Variants in NUCB2 observed in about 807,000 individuals in gnomAD.
NUCB2 encodes the protein nucleobindin-2.
In NUCB2, 48 loss-of-function variants were observed where a neutral mutation model predicts 57.9. The observed-to-expected ratio is 0.83, with a 90% CI of 0.66 to 1.05. The LOEUF is 1.05. Among genes scored for constraint, NUCB2 ranks in the 50% least tolerant of loss-of-function variants. The pLI, the probability that NUCB2 is intolerant of heterozygous loss-of-function variation, is 0.00. For synonymous variants in NUCB2, 139 were observed against 152.1 expected (o/e 0.91, Z 0.64); for missense variants, 442 against 476.2 (o/e 0.93, Z 0.67).
intron 1 of NUCB2, among the ~76,000 whole-genome samples, chr11:17,281,402 G>A (rs539014854): frequency 6.6e-6 from 1 of 152,224 alleles, no homozygotes; most frequent in African/African-American, 2.4e-5. Flanking sequence ...TTATAGGTGT[G>A]AGCCACCATG....
At chr11:17,334,885 CA>C (rs375093514), downstream of NUCB2, among the ~76,000 whole-genome samples, 32,789 of 121,662 alleles carry the variant, frequency 0.27, 4,169 homozygotes, top group East Asian at 0.39. Flanking sequence ...GGCTCTATCT[CA>C]AAAAAAAAAA....
chr11:17,316,663 A>G (rs942758010), intron 11 of NUCB2, among the ~76,000 whole-genome samples: 2 of 152,334 alleles, frequency 1.3e-5, no homozygotes, highest in Admixed American at 1.3e-4. Flanking sequence ...AAGTATATCA[A>G]CTTGTAACAC....
chr11:17,348,947 G>T (rs934378802), intron 2 of NUCB2, among the ~76,000 whole-genome samples: 4 of 151,894 alleles, frequency 2.6e-5, no homozygotes, highest in African/African-American at 9.7e-5. Context: ...ACCTGGCTAA[G>T]TTTTGTATTT....
chr11:17,336,007 G>C (rs1386283651), downstream of NUCB2, among the ~76,000 whole-genome samples: 3 of 152,292 alleles, frequency 2.0e-5, no homozygotes, highest in East Asian at 5.8e-4. Flanking sequence ...CTTAAGTAGA[G>C]GTTGAGCATT....
At chr11:17,292,627 G>T (rs1212585142) in intron 2 of NUCB2, among the ~76,000 whole-genome samples, 1 of 152,156 alleles carries the variant, frequency 6.6e-6, no homozygotes, top group Non-Finnish European at 1.5e-5. Flanking sequence ...AACCACTCCT[G>T]AAAAGCCAAC....
downstream of NUCB2, among the ~76,000 whole-genome samples, chr11:17,334,741 C>G (rs946056445): frequency 6.6e-6 from 1 of 152,080 alleles, no homozygotes; most frequent in African/African-American, 2.4e-5. Flanking sequence ...CAAAAATTAG[C>G]TGGGTGTGAT....
intron 11 of NUCB2, among the ~76,000 whole-genome samples, chr11:17,320,552 G>A (rs1410282688): frequency 6.6e-6 from 1 of 152,150 alleles, no homozygotes; most frequent in East Asian, 1.9e-4. Context: ...AGCTGCTCGG[G>A]AGGCTGAGGC....
chr11:17,294,636 G>A (rs1945499355), intron 2 of NUCB2, among the ~76,000 whole-genome samples: 1 of 125,788 alleles, frequency 7.9e-6, no homozygotes, highest in Non-Finnish European at 1.6e-5. Flanking sequence ...GGGGTTATGT[G>A]TTCTTTTCCA....
intron 2 of NUCB2, among the ~76,000 whole-genome samples, chr11:17,348,944 T>C (rs1953000893): frequency 6.6e-6 from 1 of 152,116 alleles, no homozygotes. Context: ...CACACCTGGC[T>C]AAGTTTTGTA....
At chr11:17,333,152 C>G (rs1951546763), downstream of NUCB2, 1 of 152,244 alleles carries the variant, frequency 6.6e-6, no homozygotes, top group African/African-American at 2.4e-5. Flanking sequence ...GTTTGCCTAT[C>G]AGGCAACCCC....
chr11:17,320,594 T>G (rs1471635923), intron 11 of NUCB2, among the ~76,000 whole-genome samples: 1 of 151,970 alleles, frequency 6.6e-6, no homozygotes, highest in Non-Finnish European at 1.5e-5. Context: ...GAGATGGAGG[T>G]TGCAGTGAGT....
chr11:17,337,922 A>G, intron 2 of NUCB2, among the ~76,000 whole-genome samples: 1 of 152,242 alleles, frequency 6.6e-6, no homozygotes, highest in East Asian at 1.9e-4. Flanking sequence ...AGCATGAGCC[A>G]CTGCGCCTGG....
chr11:17,310,872 TA>T lies in NUCB2; in HGVS notation c.537del (p.Lys179AsnfsTer4). ...ATGACAAGACTCGTCATGAAGAATT[TA>T]AAAAATATGAAATGATGAAGGAACA... is the stretch of plus-strand genomic sequence containing the variant. ...HYDKTRHEEF[K>X]KYEMMKEHER... On this transcript the variant is annotated frameshift_variant, in exon 7 of 14. Transcript: ENST00000529010. LOFTEE classifies it high-confidence loss of function. 1 of 1,593,366 alleles carries T rather than the reference TA, an allele frequency of 6.3e-7. No homozygotes were observed. Among genetic ancestry groups the T allele is most frequent in the Non-Finnish European group, 8.5e-7 (1 of 1,175,048 alleles).
intron 5 of NUCB2, among the ~76,000 whole-genome samples, chr11:17,305,943 T>G (rs1184284166): frequency 2.0e-5 from 3 of 152,176 alleles, no homozygotes; most frequent in Admixed American, 6.6e-5. Context: ...AATTAAGTAG[T>G]GTTGGTATAA....
At chr11:17,327,451 TA>T (rs1328750759) in intron 11 of NUCB2, among the ~76,000 whole-genome samples, 4 of 152,200 alleles carry the variant, frequency 2.6e-5, no homozygotes, top group Non-Finnish European at 2.9e-5. Flanking sequence ...TGGTGTTCTA[TA>T]ACCTTTTTGC....
intron 1 of NUCB2, among the ~76,000 whole-genome samples, chr11:17,279,108 G>A (rs575114983): frequency 2.0e-5 from 3 of 152,192 alleles, no homozygotes; most frequent in Admixed American, 1.3e-4. Flanking sequence ...CAGGGGAATC[G>A]CTTGAACCTG....
At chr11:17,287,588 G>T (rs958907610) in intron 2 of NUCB2, among the ~76,000 whole-genome samples, 7 of 147,140 alleles carry the variant, frequency 4.8e-5, no homozygotes, top group Non-Finnish European at 1.0e-4. Context: ...CAGGAGAATC[G>T]CTTGAACCTG....
chr11:17,337,138 G>C (rs548362440), downstream of NUCB2, among the ~76,000 whole-genome samples: 163 of 151,984 alleles, frequency 1.1e-3, no homozygotes, highest in African/African-American at 3.7e-3. Context: ...ATGGGGTCTT[G>C]CTATGTTGCC....
intron 11 of NUCB2, among the ~76,000 whole-genome samples, chr11:17,329,282 C>T (rs945237404): frequency 6.6e-6 from 1 of 152,192 alleles, no homozygotes; most frequent in African/African-American, 2.4e-5. Context: ...TTCCCTTAGC[C>T]TCACCAGCTG....
Sources: allele counts gnomAD v4.1 joint callset (sites outside exome capture counted in the v4.1 genomes callset), GRCh38; gene constraint gnomAD v4.1.1; transcripts MANE v1.5; gene names NCBI Gene and HGNC (gene_info 2026-07-23, HGNC 2026-07-21).